PTK7: variants seen among roughly 807,000 people sequenced by gnomAD.
PTK7 encodes the protein inactive tyrosine-protein kinase 7.
In PTK7, 39 loss-of-function variants were observed where a neutral mutation model predicts 116.6. That is an observed-to-expected ratio of 0.33 (90% CI 0.26 to 0.44). The LOEUF (loss-of-function observed/expected upper bound fraction) is 0.44, where lower values mean the gene tolerates loss of function less well. Ranked by LOEUF, PTK7 falls within the 20% of genes least tolerant of loss-of-function variation. PTK7 has a pLI of 1.00. For synonymous variants in PTK7, 546 were observed against 563.6 expected (o/e 0.97, Z 0.44); for missense variants, 1,169 against 1,425.6 (o/e 0.82, Z 2.90).
chr6:43,129,587 A>G lies in PTK7; in HGVS notation c.368-140A>G. ...CTTAGTATCTGGTAACTGTAGCCCC[A>G]GCCTCAGCCTCCAGGGCTTCCTTGT... On this transcript the variant is annotated intron_variant, in intron 2 of 19. Transcript: ENST00000230419. This position sits in a 1 kb window ranked among gnomAD's most constrained non-coding sequence, Gnocchi z 4.5. 1 of 755,448 alleles carries G rather than the reference A, an allele frequency of 1.3e-6. No homozygotes were observed. Among genetic ancestry groups the G allele is most frequent in the East Asian group, 2.6e-5 (1 of 37,806 alleles). The allele number at this position is 755,448 out of a possible 1,614,324, so 46.8% of individuals were successfully genotyped here.
At chr6:43,130,165 C>A (rs1436529150) in intron 3 of PTK7, 65 bp from the exon 4 acceptor site, 1 of 1,458,198 alleles carries the variant, frequency 6.9e-7, no homozygotes, top group African/African-American at 1.4e-5. Context: ...CCCTCTGATA[C>A]TGTATCCTCT....
chr6:43,134,824 C>T (rs1258966391), intron 7 of PTK7, among the ~76,000 whole-genome samples: 1 of 151,640 alleles, frequency 6.6e-6, no homozygotes, highest in Non-Finnish European at 1.5e-5. Context: ...GTGATGCACA[C>T]CTATAATCCC....
At chr6:43,114,733 T>C (rs1768398378) in intron 1 of PTK7, among the ~76,000 whole-genome samples, 1 of 152,164 alleles carries the variant, frequency 6.6e-6, no homozygotes, top group Non-Finnish European at 1.5e-5. Flanking sequence ...AAGTGGGCTG[T>C]CCTTAGGCTT....
chr6:43,144,731 A>C, intron 15 of PTK7, 125 bp downstream of exon 15: 1 of 1,247,978 alleles, frequency 8.0e-7, no homozygotes, highest in Admixed American at 2.7e-5. Flanking sequence ...AGGGAAGCAT[A>C]GGTAGAGATC....
intron 10 of PTK7, among the ~76,000 whole-genome samples, chr6:43,140,168 G>A (rs1160851758): frequency 6.6e-6 from 1 of 152,114 alleles, no homozygotes; most frequent in African/African-American, 2.4e-5. Context: ...ACTGGAAGAG[G>A]CCGGGCGTGG....
Position 43,130,258 on chromosome 6 carries a change from A to AC in PTK7, c.505dup (p.Leu169ProfsTer3), listed in dbSNP as rs35848762. 3 of 1,596,736 alleles carry AC rather than the reference A, an allele frequency of 1.9e-6. No homozygotes were observed. Among genetic ancestry groups the AC allele is most frequent in the Non-Finnish European group, 2.6e-6 (3 of 1,168,562 alleles). On this transcript the variant is annotated frameshift_variant, in exon 4 of 20. Transcript: ENST00000230419. LOFTEE classifies it high-confidence loss of function. ...CACCTACCAATGGTTCCGAGATGGGACCCCCCTTTCTGATGGTCAGAGCAA... is the reference window on the plus strand; with the variant it reads ...CACCTACCAATGGTTCCGAGATGGGACCCCCCCTTTCTGATGGTCAGAGCAA...
intron 17 of PTK7, among the ~76,000 whole-genome samples, chr6:43,153,220 C>T (rs556193179): frequency 6.6e-6 from 1 of 151,902 alleles, no homozygotes; most frequent in East Asian, 1.9e-4. Context: ...ATGCCATTAT[C>T]CTGCCTCAGC....
At chr6:43,136,174 C>G (rs1392592126) in intron 7 of PTK7, among the ~76,000 whole-genome samples, 1 of 141,862 alleles carries the variant, frequency 7.0e-6, no homozygotes, top group Non-Finnish European at 1.5e-5. Flanking sequence ...ATAAAAAATA[C>G]AAAAAAAAAA....
At chr6:43,106,383 C>A (rs556688651) in intron 1 of PTK7, among the ~76,000 whole-genome samples, 1 of 150,940 alleles carries the variant, frequency 6.6e-6, no homozygotes, top group South Asian at 2.1e-4. Context: ...TCACAGCTCA[C>A]CGCAGCCTTG....
At chr6:43,126,698 A>T (rs1769306623) in intron 1 of PTK7, among the ~76,000 whole-genome samples, 1 of 152,220 alleles carries the variant, frequency 6.6e-6, no homozygotes, top group Non-Finnish European at 1.5e-5. Context: ...TCGTGGGCAG[A>T]TTCCTTCTTG....
In PTK7 at chr6:43,158,840, C is replaced by G. The variant is rs1215762242; in HGVS notation, c.2745C>G (p.Ala915=). The change falls in exon 18 of 20, where the codon GCC becomes GCG. Residue 915 remains alanine (A), a synonymous_variant. Coordinates refer to ENST00000230419, the MANE Select transcript of PTK7 (RefSeq NM_002821.5). ...KQKVALCTQV[A]LGMEHLSNNR... is the part of the protein sequence containing the mutation. The stretch of plus-strand genomic sequence containing the variant: ...AGGTGGCCCTATGCACCCAGGTAGC[C>G]CTGGGCATGGAGCACCTGTCCAACA... 1 of 1,614,122 alleles carries G rather than the reference C, an allele frequency of 6.2e-7. No homozygotes were observed. The highest frequency in any genetic ancestry group is 1.7e-5 in the Admixed American group (1 of 60,006).
intron 13 of PTK7, chr6:43,142,617 G>T: frequency 2.3e-6 from 1 of 440,774 alleles, no homozygotes; most frequent in Non-Finnish European, 4.3e-6. Context: ...AGGAGGACCA[G>T]GTCAGAATGC....
Position 43,076,608 on chromosome 6 carries a change from CG to C in PTK7, c.79+44del. 6.5e-7 allele frequency: 1 copy of C among 1,546,358 alleles called. No individual in the cohort carries two copies. The highest frequency in any genetic ancestry group is 8.7e-7 in the Non-Finnish European group (1 of 1,150,116). ...TTGGGGGCACAGAGCTTGGGAAGCG[CG>C]GGAGTCCCGTGGGCAAAAGGCTGCG... On this transcript the variant is annotated intron_variant, in intron 1 of 19. Coordinates refer to ENST00000230419, the MANE Select transcript of PTK7 (RefSeq NM_002821.5). This position sits in a 1 kb window ranked among gnomAD's most constrained non-coding sequence, Gnocchi z 5.7.
Position 43,143,171 on chromosome 6 carries a change from T to C in PTK7, c.2048-246T>C. 6.1e-6 allele frequency: 3 copies of C among 487,900 alleles called. No homozygotes were observed. The South Asian group carries it at 8.5e-5, about 14-fold the overall frequency. The allele number at this position is 487,900 out of a possible 1,614,324, so 30.2% of individuals were successfully genotyped here. A position where few individuals can be genotyped will look rare whatever the true frequency, so the allele number is the denominator to read the frequency against. On this transcript the variant is annotated intron_variant, in intron 13 of 19. Transcript: ENST00000230419. This position sits in a 1 kb window ranked among gnomAD's most constrained non-coding sequence, Gnocchi z 4.2. ...GCTCCTTGACAGGTGTGCTTATCCG[T>C]GTCGCCTGTCTTGGCTTCCGATGCA...
At chr6:43,108,638 G>A (rs935058623) in intron 1 of PTK7, among the ~76,000 whole-genome samples, 2 of 152,172 alleles carry the variant, frequency 1.3e-5, no homozygotes, top group African/African-American at 2.4e-5. Flanking sequence ...CTGGCCTCAA[G>A]CGATCCACCC....
In PTK7 at chr6:43,145,552, C is replaced by A; in HGVS notation, c.2640+120C>A. 2 of 713,580 alleles carry A rather than the reference C, an allele frequency of 2.8e-6. No individual in the cohort carries two copies. The highest frequency in any genetic ancestry group is 4.2e-6 in the Non-Finnish European group (2 of 470,826). 44.2% of individuals were successfully genotyped at this position (713,580 alleles called of 1,614,324 possible). Reference sequence around the variant, plus strand: ...TCTCGTGCAGTCTCAGCCGAGACCTCACCTGCCTGCTGTTACACTTTGCCC... The same window carrying A: ...TCTCGTGCAGTCTCAGCCGAGACCTAACCTGCCTGCTGTTACACTTTGCCC... On this transcript the variant is annotated intron_variant, in intron 16 of 19. Coordinates refer to ENST00000230419, the MANE Select transcript of PTK7 (RefSeq NM_002821.5). This position sits in a 1 kb window ranked among gnomAD's most constrained non-coding sequence, Gnocchi z 4.8.
intron 1 of PTK7, among the ~76,000 whole-genome samples, chr6:43,119,879 T>A (rs2150414465): frequency 6.6e-6 from 1 of 152,300 alleles, no homozygotes; most frequent in African/African-American, 2.4e-5. Flanking sequence ...GTGGTTCCCC[T>A]TGGCAATTCT....
At chr6:43,132,983 GCA>G (rs1189422930) in intron 7 of PTK7, 1 of 534,722 alleles carries the variant, frequency 1.9e-6, no homozygotes, top group African/African-American at 1.9e-5. Context: ...TGCTCCCAAT[GCA>G]CAGAGTGACG....
chr6:43,080,068 AAG>A (rs1766288604), intron 1 of PTK7, among the ~76,000 whole-genome samples: 1 of 150,722 alleles, frequency 6.6e-6, no homozygotes. Flanking sequence ...AAAAAAAAAA[AAG>A]GGCAGGATGC....
Sources: gnomAD v4.1 joint callset for allele counts (sites outside exome capture counted in the v4.1 genomes callset) on GRCh38, gnomAD v4.1.1 for gene constraint, Gnocchi (gnomAD v3.1) non-coding constraint, MANE v1.5 for transcripts, NCBI Gene and HGNC (gene_info 2026-07-23, HGNC 2026-07-21) for gene names.